Variants in TMEM132B observed in about 807,000 individuals in gnomAD.
TMEM132B encodes the protein transmembrane protein 132B.
In TMEM132B, 18 loss-of-function variants were observed where a neutral mutation model predicts 90.8. The ratio of observed to expected loss-of-function variants is 0.20; its 90% CI spans 0.14 to 0.29. The LOEUF is 0.29. Among genes scored for constraint, TMEM132B ranks in the 10% least tolerant of loss-of-function variants. The probability of loss-of-function intolerance (pLI) is 1.00; values close to 1 mark genes in which losing one functional copy is unlikely to be tolerated. For synonymous variants in TMEM132B, 504 were observed against 523.3 expected, an observed-to-expected ratio of 0.96 and a Z score of 0.50; for missense variants, 1,096 against 1,326.8, an observed-to-expected ratio of 0.83 and a Z score of 2.70.
At chr12:125,262,284 C>G (rs1459821015) in intron 1 of TMEM132B, among the ~76,000 whole-genome samples, 2 of 151,092 alleles carry the variant, frequency 1.3e-5, no homozygotes, top group Non-Finnish European at 2.9e-5. Context: ...TTAGCCAGAC[C>G]TGGTGGTATG....
rs756648000 is a variant in TMEM132B, at chr12:125,246,441, G to T, written c.67+59575G>T. Among the ~76,000 whole-genome samples, 1 of 152,188 alleles carries T rather than the reference G, an allele frequency of 6.6e-6. No individual in the cohort carries two copies. The highest frequency in any genetic ancestry group is 6.5e-5 in the Admixed American group (1 of 15,286). ...CGTCTCTCATCTTGTTTATTAACAT[G>T]CTGTCCCCACTCAGATGCCTTGTTT... is the stretch of plus-strand genomic sequence containing the variant. On this transcript the variant is annotated intron_variant, in intron 1 of 8. Transcript: ENST00000682704. The surrounding 1 kb of genome is among the most constrained non-coding windows in gnomAD (Gnocchi z 4.2).
At chr12:125,561,147 A>T (rs1472778097) in intron 4 of TMEM132B, among the ~76,000 whole-genome samples, 1 of 152,216 alleles carries the variant, frequency 6.6e-6, no homozygotes, top group Non-Finnish European at 1.5e-5. Flanking sequence ...GATAAACTGG[A>T]TAAAGAAAAT....
chr12:125,473,317 C>A (rs1169801357), intron 3 of TMEM132B, among the ~76,000 whole-genome samples: 2 of 152,162 alleles, frequency 1.3e-5, no homozygotes, highest in Admixed American at 1.3e-4. Flanking sequence ...TTAATTTTTC[C>A]CAAGTATCTT....
chr12:125,509,880 T>C (rs1882937364), intron 3 of TMEM132B, among the ~76,000 whole-genome samples: 1 of 152,190 alleles, frequency 6.6e-6, no homozygotes, highest in South Asian at 2.1e-4. Flanking sequence ...CGATTTCTCA[T>C]GTCTGTCAGC....
intron 2 of TMEM132B, among the ~76,000 whole-genome samples, chr12:125,362,164 A>G (rs1049523192): frequency 1.3e-5 from 2 of 152,130 alleles, no homozygotes; most frequent in African/African-American, 4.8e-5. Context: ...TGGCTGGGGC[A>G]TGACCTTGGC....
chr12:125,235,273 GC>G (rs1873909080), intron 1 of TMEM132B, among the ~76,000 whole-genome samples: 1 of 152,168 alleles, frequency 6.6e-6, no homozygotes, highest in African/African-American at 2.4e-5. Flanking sequence ...GCTGGGACTA[GC>G]CTGGGAGTGC....
At chr12:125,573,876 C>G (rs939103753) in intron 4 of TMEM132B, among the ~76,000 whole-genome samples, 7 of 152,096 alleles carry the variant, frequency 4.6e-5, no homozygotes, top group Non-Finnish European at 2.9e-5. Context: ...TAATGCCATC[C>G]TTATGAATTC....
At chr12:125,267,255 T>C (rs989704917) in intron 1 of TMEM132B, among the ~76,000 whole-genome samples, 12 of 152,096 alleles carry the variant, frequency 7.9e-5, no homozygotes, top group Admixed American at 2.0e-4. Context: ...CTGTGTGTCA[T>C]GATTGGGGTT....
chr12:125,486,959 T>G (rs1882220260), intron 3 of TMEM132B, among the ~76,000 whole-genome samples: 1 of 152,238 alleles, frequency 6.6e-6, no homozygotes, highest in South Asian at 2.1e-4. Flanking sequence ...CATTGTTCTC[T>G]TTCACATTAC....
intron 5 of TMEM132B, among the ~76,000 whole-genome samples, chr12:125,625,214 G>A (rs1376234108): frequency 7.3e-6 from 1 of 137,598 alleles, no homozygotes; most frequent in Non-Finnish European, 1.5e-5. Context: ...CTCACTGCAA[G>A]CTCTGCCTCC....
intron 4 of TMEM132B, among the ~76,000 whole-genome samples, chr12:125,561,705 CTT>C (rs76379420): frequency 6.9e-6 from 1 of 145,388 alleles, no homozygotes; most frequent in Admixed American, 6.9e-5. Context: ...TTAGAGGAAT[CTT>C]TTTTTTTTTT....
At chr12:125,270,431 C>G (rs1021886641) in intron 1 of TMEM132B, among the ~76,000 whole-genome samples, 8 of 152,162 alleles carry the variant, frequency 5.3e-5, no homozygotes, top group African/African-American at 1.7e-4. Context: ...TGGGTTCCCT[C>G]TAAAAGTGGA....
chr12:125,655,127 A>G lies in TMEM132B; in HGVS notation c.*417A>G, dbSNP rs1160691832. ...TGCCCCTTGGCCTGAGTTTAGACAT[A>G]CATGAAAGATGACTGAATGTAGCTA... On this transcript the variant is annotated 3_prime_UTR_variant, in exon 9 of 9. Coordinates refer to ENST00000682704, the MANE Select transcript of TMEM132B (RefSeq NM_001366854.1). The G allele has an allele frequency of 6.0e-6, 1 of 167,350 alleles. No homozygotes were observed. 10.4% of individuals were successfully genotyped at this position (167,350 alleles called of 1,614,324 possible). A position where few individuals can be genotyped will look rare whatever the true frequency, so the allele number is the denominator to read the frequency against.
At chr12:125,217,572 G>A (rs1256167279) in intron 1 of TMEM132B, among the ~76,000 whole-genome samples, 2 of 152,010 alleles carry the variant, frequency 1.3e-5, no homozygotes, top group South Asian at 2.1e-4. Context: ...TCAGCCTCCC[G>A]AGTAGCTGGG....
At chr12:125,298,883 G>A (rs1400302709) in intron 1 of TMEM132B, among the ~76,000 whole-genome samples, 8 of 151,098 alleles carry the variant, frequency 5.3e-5, no homozygotes, top group African/African-American at 1.2e-4. Context: ...ACAGGCGCCC[G>A]CCACCACGCA....
At chr12:125,473,729 T>TG (rs1284937811) in intron 3 of TMEM132B, among the ~76,000 whole-genome samples, 1 of 152,202 alleles carries the variant, frequency 6.6e-6, no homozygotes, top group Non-Finnish European at 1.5e-5. Context: ...GATGCCAAGA[T>TG]GGCTTAGAGG....
At chr12:125,539,580 C>T (rs751923612) in intron 4 of TMEM132B, among the ~76,000 whole-genome samples, 1 of 152,212 alleles carries the variant, frequency 6.6e-6, no homozygotes, top group Non-Finnish European at 1.5e-5. Context: ...AGGGCAGGCC[C>T]TTGTTCATCT....
chr12:125,590,428 A>G (rs1885289895), intron 5 of TMEM132B, among the ~76,000 whole-genome samples: 1 of 152,254 alleles, frequency 6.6e-6, no homozygotes, highest in Admixed American at 6.5e-5. Flanking sequence ...CCAGAGATGG[A>G]ACAAGATACT....
At chr12:125,470,578 T>G (rs1173013078) in intron 3 of TMEM132B, among the ~76,000 whole-genome samples, 1 of 152,240 alleles carries the variant, frequency 6.6e-6, no homozygotes, top group Non-Finnish European at 1.5e-5. Context: ...TTCTTTCCAC[T>G]AAACCCAGTT....
Sources: gnomAD v4.1 joint callset for allele counts (sites outside exome capture counted in the v4.1 genomes callset) on GRCh38, gnomAD v4.1.1 for gene constraint, Gnocchi (gnomAD v3.1) non-coding constraint, MANE v1.5 for transcripts, NCBI Gene and HGNC (gene_info 2026-07-23, HGNC 2026-07-21) for gene names.